ANKS1B: variants seen among roughly 807,000 people sequenced by gnomAD.
The protein encoded by ANKS1B is ankyrin repeat and sterile alpha motif domain containing 1B, also known as ankyrin repeat and sterile alpha motif domain-containing protein 1B.
Under a neutral mutation model 148.3 loss-of-function variants are expected in ANKS1B, and 36 were observed. The observed-to-expected ratio is 0.24, with a 90% confidence interval of 0.19 to 0.32. The LOEUF (loss-of-function observed/expected upper bound fraction) is 0.32, where lower values mean the gene tolerates loss of function less well. Ranked by LOEUF, ANKS1B falls within the 10% of genes least tolerant of loss-of-function variation. The pLI is 1.00. For missense variants in ANKS1B, 1,157 were observed against 1,542.6 expected (o/e 0.75, Z 4.19); for synonymous variants, 542 against 560.8 (o/e 0.97, Z 0.47).
At chr12:99,399,527 A>G (rs2152573782) in intron 12 of ANKS1B, 104 bp downstream of exon 12, 1 of 1,267,114 alleles carries the variant, frequency 7.9e-7, no homozygotes, top group East Asian at 2.4e-5. Context: ...GAGGTGAACT[A>G]AAAACACAAT....
chr12:98,834,263 C>T (rs1310528986), intron 17 of ANKS1B, among the ~76,000 whole-genome samples: 3 of 152,214 alleles, frequency 2.0e-5, no homozygotes, highest in Admixed American at 6.5e-5. Context: ...CTTTCTCCTA[C>T]CCTATTATAG....
At chr12:99,350,059 G>A (rs753000834) in intron 12 of ANKS1B, among the ~76,000 whole-genome samples, 2 of 152,050 alleles carry the variant, frequency 1.3e-5, no homozygotes, top group Admixed American at 6.6e-5. Flanking sequence ...TGGAGGTGGG[G>A]CCTGGTGGGA....
intron 12 of ANKS1B, among the ~76,000 whole-genome samples, chr12:99,329,450 T>G (rs1476961837): frequency 6.6e-6 from 1 of 151,910 alleles, no homozygotes; most frequent in Non-Finnish European, 1.5e-5. Flanking sequence ...TGAGATATAT[T>G]CCTTGAAATG....
chr12:99,295,029 T>C (rs2080665468), intron 12 of ANKS1B, among the ~76,000 whole-genome samples: 1 of 152,176 alleles, frequency 6.6e-6, no homozygotes, highest in African/African-American at 2.4e-5. Flanking sequence ...TAATTACACA[T>C]TGTATGCCTG....
intron 11 of ANKS1B, among the ~76,000 whole-genome samples, chr12:99,425,940 G>T (rs578172071): frequency 2.9e-4 from 44 of 152,058 alleles, no homozygotes; most frequent in Admixed American, 5.2e-4. Flanking sequence ...CTTTTCCTTT[G>T]GTATTACTTT....
intron 1 of ANKS1B, among the ~76,000 whole-genome samples, chr12:99,964,894 C>T (rs1489086502): frequency 2.0e-5 from 3 of 151,600 alleles, no homozygotes; most frequent in Admixed American, 6.6e-5. Context: ...AGGGAGGGGA[C>T]GATAGTGGAG....
At chr12:99,078,625 GT>G (rs1041979495) in intron 16 of ANKS1B, among the ~76,000 whole-genome samples, 22 of 152,062 alleles carry the variant, frequency 1.4e-4, no homozygotes, top group African/African-American at 5.1e-4. Context: ...AATAAAGGGT[GT>G]TTTTTTCCTT....
chr12:99,255,992 A>T (rs1448889558), intron 12 of ANKS1B, among the ~76,000 whole-genome samples: 2 of 152,188 alleles, frequency 1.3e-5, no homozygotes, highest in Non-Finnish European at 2.9e-5. Context: ...CCATTGAGTG[A>T]GGTGTGTTGA....
intron 14 of ANKS1B, among the ~76,000 whole-genome samples, chr12:99,209,830 A>C (rs1335353992): frequency 1.3e-5 from 2 of 152,100 alleles, no homozygotes; most frequent in African/African-American, 4.8e-5. Flanking sequence ...CTGACCAAAA[A>C]CATTCCAAAC....
At chr12:99,093,792 T>A (rs962686573) in intron 15 of ANKS1B, among the ~76,000 whole-genome samples, 78 of 152,068 alleles carry the variant, frequency 5.1e-4, no homozygotes, top group Non-Finnish European at 1.1e-3. Flanking sequence ...GATGATGGGG[T>A]CTCTTGACAC....
At chr12:99,887,828 G>A (rs2092906954) in intron 1 of ANKS1B, among the ~76,000 whole-genome samples, 1 of 152,162 alleles carries the variant, frequency 6.6e-6, no homozygotes, top group Non-Finnish European at 1.5e-5. Flanking sequence ...ATAGTGGACA[G>A]ATTAGTCCCC....
intron 25 of ANKS1B, among the ~76,000 whole-genome samples, chr12:98,768,886 GGGGCTCCA>G (rs2098527504): frequency 6.6e-6 from 1 of 151,604 alleles, no homozygotes; most frequent in Admixed American, 6.6e-5. Flanking sequence ...TTCTGTAGGG[GGGGCTCCA>G]GGCCTCCTTT....
intron 9 of ANKS1B, among the ~76,000 whole-genome samples, chr12:99,614,559 GAA>G (rs72275344): frequency 1.4e-5 from 2 of 147,040 alleles, no homozygotes; most frequent in East Asian, 2.0e-4. Flanking sequence ...TAACAGCAAA[GAA>G]AAAAAAAAAG....
At chr12:99,522,519 C>T (rs1846811) in intron 9 of ANKS1B, among the ~76,000 whole-genome samples, 151,760 of 152,306 alleles carry the variant, frequency 1, 75,608 homozygotes, top group Middle Eastern at 1. Context: ...AGCGTTCATA[C>T]GTTGTTTACA....
At chr12:99,308,002 T>C (rs1566857005) in intron 12 of ANKS1B, among the ~76,000 whole-genome samples, 1 of 152,120 alleles carries the variant, frequency 6.6e-6, no homozygotes, top group Non-Finnish European at 1.5e-5. Context: ...ATAAGCCTTG[T>C]TCTCTATCAA....
exon 10 of ANKS1B, chr12:98,735,631 G>A (rs974896834): frequency 1.0e-5 from 8 of 768,720 alleles, no homozygotes; most frequent in Non-Finnish European, 2.0e-5. Context: ...GCATGAAGAA[G>A]ATCCTGTAAA....
At chr12:99,192,089 G>C (rs1016730609) in intron 14 of ANKS1B, among the ~76,000 whole-genome samples, 1 of 118,244 alleles carries the variant, frequency 8.5e-6, no homozygotes, top group South Asian at 2.9e-4. Flanking sequence ...CCGAGATTGT[G>C]CCACTGCACT....
chr12:99,217,152 C>A (rs1366497758), intron 14 of ANKS1B, among the ~76,000 whole-genome samples: 1 of 152,114 alleles, frequency 6.6e-6, no homozygotes, highest in African/African-American at 2.4e-5. Context: ...GTTTAAGCCA[C>A]TATTATTTTG....
intron 1 of ANKS1B, among the ~76,000 whole-genome samples, chr12:99,934,844 G>T (rs963898653): frequency 1.3e-5 from 2 of 152,156 alleles, no homozygotes; most frequent in Non-Finnish European, 2.9e-5. Flanking sequence ...GTATATAAAG[G>T]AGGGAGGAGA....
Sources: allele counts gnomAD v4.1 joint callset (sites outside exome capture counted in the v4.1 genomes callset), GRCh38; gene constraint gnomAD v4.1.1; transcripts MANE v1.5; gene names NCBI Gene and HGNC (gene_info 2026-07-23, HGNC 2026-07-21).